Variants in YAF2 observed in about 807,000 individuals in gnomAD.
YAF2 encodes the protein YY1-associated factor 2.
A neutral mutation model predicts 20.1 loss-of-function variants in YAF2; 7 were observed. That is an observed-to-expected ratio of 0.35 (90% CI 0.20 to 0.65). The LOEUF is 0.65. Among genes scored for constraint, YAF2 ranks in the 30% least tolerant of loss-of-function variants. The probability of loss-of-function intolerance (pLI) is 0.69; values close to 1 mark genes in which losing one functional copy is unlikely to be tolerated. For synonymous variants in YAF2, 74 were observed against 76.0 expected (o/e 0.97, Z 0.14); for missense variants, 151 against 219.2 (o/e 0.69, Z 1.96).
chr12:42,198,283 A>C (rs1173163975), intron 2 of YAF2, among the ~76,000 whole-genome samples: 1 of 152,178 alleles, frequency 6.6e-6, no homozygotes, highest in Non-Finnish European at 1.5e-5. Flanking sequence ...TATTCTGATT[A>C]AAAACTTATC....
rs377017751 is a variant in YAF2 at position 42,173,474 on chromosome 12, G to A, written c.153-11709C>T. 2.0e-5 allele frequency among the ~76,000 whole-genome samples: 3 copies of A among 152,286 alleles called. No homozygotes were observed. The East Asian group carries it at 5.8e-4, about 29-fold the overall frequency. ...TCTCAAATCATTAAATGACACGACA[G>A]TTTGGCATTTGCTTTTCACTTAATT... On this transcript the variant is annotated intron_variant, in intron 2 of 3. Transcript: ENST00000534854.
Position 42,159,302 on chromosome 12 carries a change from T to C in YAF2, c.*1287A>G, listed in dbSNP as rs2065755552. On this transcript the variant is annotated 3_prime_UTR_variant, in exon 4 of 4. Coordinates refer to ENST00000534854, the MANE Select transcript of YAF2 (RefSeq NM_005748.6). ...GTTCATTTACAATTCAGAAGTCTCC[T>C]TTAGGTAGATATATATTAAGCAAAT... 6.6e-6 allele frequency: 1 copy of C among 152,108 alleles called. No homozygotes were observed. The allele number at this position is 152,108 out of a possible 1,614,324, so 9.4% of individuals were successfully genotyped here.
At chr12:42,160,902 G>C (rs2065785264) in intron 3 of YAF2, 76 bp from the exon 4 acceptor site, 3 of 1,306,690 alleles carry the variant, frequency 2.3e-6, no homozygotes, top group Non-Finnish European at 3.1e-6. Flanking sequence ...AATAATAAAA[G>C]TGGTAAAAGT....
intron 2 of YAF2, among the ~76,000 whole-genome samples, chr12:42,203,051 G>A (rs1471913639): frequency 1.3e-5 from 2 of 149,238 alleles, no homozygotes; most frequent in African/African-American, 2.5e-5. Context: ...TTTTGCACAG[G>A]AAGGTCATTT....
chr12:42,171,587 T>C (rs185011124), intron 2 of YAF2, among the ~76,000 whole-genome samples: 1 of 152,286 alleles, frequency 6.6e-6, no homozygotes, highest in East Asian at 1.9e-4. Context: ...AGCACTTGCC[T>C]ATGATTCTTA....
intron 2 of YAF2, among the ~76,000 whole-genome samples, chr12:42,188,940 C>T (rs1250099630): frequency 2.0e-5 from 3 of 152,196 alleles, no homozygotes; most frequent in South Asian, 2.1e-4. Flanking sequence ...TGACTCAGAA[C>T]GTAGTATACT....
intron 1 of YAF2, 88 bp downstream of exon 1, chr12:42,238,067 C>T: frequency 1.7e-6 from 2 of 1,195,998 alleles, no homozygotes; most frequent in Non-Finnish European, 2.1e-6. Context: ...CCCCGGTGCC[C>T]GGGCGGCTAG....
At chr12:42,174,751 T>C (rs1489952055) in intron 2 of YAF2, among the ~76,000 whole-genome samples, 7 of 152,208 alleles carry the variant, frequency 4.6e-5, no homozygotes, top group Non-Finnish European at 8.8e-5. Flanking sequence ...TGGCTCCACA[T>C]TGGATTTCAC....
intron 2 of YAF2, among the ~76,000 whole-genome samples, chr12:42,190,867 C>T (rs1221448953): frequency 6.6e-6 from 1 of 151,316 alleles, no homozygotes; most frequent in Non-Finnish European, 1.5e-5. Flanking sequence ...CCTAAAATTT[C>T]ATTGTAGAGT....
chr12:42,204,317 G>A (rs1050425891), intron 2 of YAF2, among the ~76,000 whole-genome samples: 14 of 152,150 alleles, frequency 9.2e-5, no homozygotes, highest in African/African-American at 2.7e-4. Context: ...TATAGTCAGC[G>A]CTCCATATCC....
In YAF2 at chr12:42,235,254, C is replaced by A. The variant is rs1245676801; in HGVS notation, c.152+2345G>T. 1.8e-5 allele frequency: 18 copies of A among 996,658 alleles called. No individual in the cohort carries two copies. The South Asian group carries it at 5.7e-4, about 32-fold the overall frequency. 61.7% of individuals were successfully genotyped at this position (996,658 alleles called of 1,614,324 possible). On this transcript the variant is annotated intron_variant, in intron 2 of 3. Transcript: ENST00000534854. Reference sequence around the variant, plus strand: ...TTGGCTTTAGTACTTGCCAACCTTACTCTGGAAATTACCCTGTTCATTAAT... The same window carrying A: ...TTGGCTTTAGTACTTGCCAACCTTAATCTGGAAATTACCCTGTTCATTAAT...
At position 42,206,138 on chromosome 12, in the gene YAF2, T is replaced by G. The variant is rs544270382; in HGVS notation, c.152+31461A>C. 3.9e-5 allele frequency among the ~76,000 whole-genome samples: 6 copies of G among 152,290 alleles called. No homozygotes were observed. In the South Asian group the frequency reaches 1.0e-3, roughly 26 times the overall value. On this transcript the variant is annotated intron_variant, in intron 2 of 3. Coordinates refer to ENST00000534854, the MANE Select transcript of YAF2 (RefSeq NM_005748.6). ...TCATTTCTTTCTTCAAATCAGTAACTTCTCTCTTTAGCTGTGTCATATCTT... is the reference window on the plus strand; with the variant it reads ...TCATTTCTTTCTTCAAATCAGTAACGTCTCTCTTTAGCTGTGTCATATCTT...
Position 42,160,721 on chromosome 12 carries a change from C to G in YAF2, c.411G>C (p.Pro137=). The change falls in exon 4 of 4, where the codon CCG becomes CCC. Residue 137 remains proline (P), a synonymous_variant. Transcript: ENST00000534854. Reference sequence around the variant, plus strand: ...CTGCAGAAGCAGCACTAGATGCAGGCGGTGACTTTGTTTTCTCCTTAAAGT... The same window carrying G: ...CTGCAGAAGCAGCACTAGATGCAGGGGGTGACTTTGTTTTCTCCTTAAAGT... The part of the protein sequence containing the change: ...ITDFKEKTKS[P]PASSAASADQ... 1 of 1,613,602 alleles carries G rather than the reference C, an allele frequency of 6.2e-7. No homozygotes were observed. The highest frequency in any genetic ancestry group is 8.5e-7 in the Non-Finnish European group (1 of 1,179,790).
At chr12:42,208,902 C>G (rs1246619711) in intron 2 of YAF2, among the ~76,000 whole-genome samples, 2 of 152,150 alleles carry the variant, frequency 1.3e-5, no homozygotes, top group Non-Finnish European at 2.9e-5. Flanking sequence ...CTCAAGTATC[C>G]AGCAAACGGA....
chr12:42,212,410 A>G, intron 2 of YAF2: 1 of 436,976 alleles, frequency 2.3e-6, no homozygotes, highest in South Asian at 1.7e-5. Flanking sequence ...GATATATTTT[A>G]ATACCCTTTA....
At chr12:42,225,775 C>G (rs752330457) in intron 2 of YAF2, among the ~76,000 whole-genome samples, 1 of 152,294 alleles carries the variant, frequency 6.6e-6, no homozygotes, top group East Asian at 1.9e-4. Context: ...GTTTTGGTTA[C>G]TGTAGACTTG....
At chr12:42,161,014 T>C in intron 3 of YAF2, 188 bp from the exon 4 acceptor site, 1 of 559,680 alleles carries the variant, frequency 1.8e-6, no homozygotes, top group Non-Finnish European at 3.1e-6. Context: ...CAATCATTCA[T>C]GAACATTCTT....
intron 2 of YAF2, among the ~76,000 whole-genome samples, chr12:42,162,252 C>T (rs925484191): frequency 6.6e-6 from 1 of 152,164 alleles, no homozygotes; most frequent in Non-Finnish European, 1.5e-5. Flanking sequence ...CTCCTTATTG[C>T]TTAAATCCTT....
In YAF2 at chr12:42,177,981, C is replaced by A. The variant is rs184043166; in HGVS notation, c.153-16216G>T. ...TTATTAATAGTTTATCATCTGTTTT[C>A]CTCTACCAGAATAGAATATAGGCTC... On this transcript the variant is annotated intron_variant, in intron 2 of 3. Transcript: ENST00000534854. Among the ~76,000 whole-genome samples the A allele has an allele frequency of 1.9e-3, 291 of 152,116 alleles. 1 individual carries two copies. Among genetic ancestry groups the A allele is most frequent in the African/African-American group, 6.6e-3 (273 of 41,494 alleles).
Sources: allele counts gnomAD v4.1 joint callset (sites outside exome capture counted in the v4.1 genomes callset), GRCh38; gene constraint gnomAD v4.1.1; transcripts MANE v1.5; gene names NCBI Gene and HGNC (gene_info 2026-07-23, HGNC 2026-07-21).